LUC7L2: variants seen among roughly 807,000 people sequenced by gnomAD.
The protein encoded by LUC7L2 is putative RNA-binding protein Luc7-like 2.
A neutral mutation model predicts 52.8 loss-of-function variants in LUC7L2; 25 were observed. The ratio of observed to expected loss-of-function variants is 0.47; its 90% confidence interval spans 0.34 to 0.66. The LOEUF is 0.66. Ranked by LOEUF, LUC7L2 falls within the 30% of genes least tolerant of loss-of-function variation. The pLI, the probability that LUC7L2 is intolerant of heterozygous loss-of-function variation, is 0.01. For synonymous variants in LUC7L2, 144 were observed against 160.9 expected (o/e 0.89, Z 0.80); for missense variants, 328 against 497.8 (o/e 0.66, Z 3.25).
chr7:139,345,226 A>T (rs910402187), intron 1 of LUC7L2, among the ~76,000 whole-genome samples: 1 of 152,106 alleles, frequency 6.6e-6, no homozygotes, highest in African/African-American at 2.4e-5. Context: ...TCATCTGTAA[A>T]ATTAAGGAAT....
At chr7:139,356,941 A>G (rs1799624419), upstream of LUC7L2, among the ~76,000 whole-genome samples, 1 of 152,234 alleles carries the variant, frequency 6.6e-6, no homozygotes, top group African/African-American at 2.4e-5. Flanking sequence ...CATTGATTAT[A>G]TAAAACTTGG....
At chr7:139,374,648 A>G (rs971313212) in intron 1 of LUC7L2, 9 of 1,435,010 alleles carry the variant, frequency 6.3e-6, no homozygotes, top group African/African-American at 5.7e-5. Context: ...TAGAAAACCT[A>G]TTGTTGAACT....
At chr7:139,372,241 T>C (rs566857731) in intron 1 of LUC7L2, among the ~76,000 whole-genome samples, 30 of 119,830 alleles carry the variant, frequency 2.5e-4, no homozygotes, top group African/African-American at 1.6e-3. Flanking sequence ...TCCATTATTT[T>C]AATTTTTTTT....
Position 139,384,145 on chromosome 7 carries a change from A to G in LUC7L2, c.156+7989A>G, listed in dbSNP as rs369990814. ...AAATTGTTTAACTCTTTTCCCATAAATGGTTTATTTTGGGCTGCCTTGGTA... is the reference window on the plus strand; with the variant it reads ...AAATTGTTTAACTCTTTTCCCATAAGTGGTTTATTTTGGGCTGCCTTGGTA... On this transcript the variant is annotated intron_variant, in intron 2 of 9. Transcript: ENST00000354926. 1.8e-4 allele frequency among the ~76,000 whole-genome samples: 27 copies of G among 152,164 alleles called. No individual in the cohort carries two copies. In the East Asian group the frequency reaches 2.9e-3, roughly 16 times the overall value.
At chr7:139,415,155 G>A (rs1278406606) in intron 8 of LUC7L2, among the ~76,000 whole-genome samples, 5 of 140,766 alleles carry the variant, frequency 3.6e-5, no homozygotes, top group South Asian at 2.4e-4. Flanking sequence ...CAAGTGATCC[G>A]CCTGCCTCAG....
rs1799511433 is a variant in LUC7L2 at position 139,353,420 on chromosome 7, AT to A, written c.-26+12905del. ...AATGTATAGTTTAATCCTACTTTAT[AT>A]TATTTTGTTACCCTCTGAGACCTTG... is the stretch of plus-strand genomic sequence containing the variant. On this transcript the variant is annotated intron_variant, in intron 1 of 10. Coordinates refer to the LUC7L2 transcript ENST00000541170. Among the ~76,000 whole-genome samples the A allele has an allele frequency of 2.0e-5, 3 of 152,232 alleles. No homozygotes were observed. The South Asian group carries it at 6.2e-4, about 32-fold the overall frequency.
Position 139,360,169 on chromosome 7 carries a change from G to A in LUC7L2, c.-93G>A. ...GGCGGCGGCGGCCACCGAGACAGCA[G>A]CGCACCTTCCCCCATCCCTTCCCCT... On this transcript the variant is annotated 5_prime_UTR_variant, in exon 1 of 10. Coordinates refer to ENST00000354926, the MANE Select transcript of LUC7L2 (RefSeq NM_016019.5). 1 of 968,926 alleles carries A rather than the reference G, an allele frequency of 1.0e-6. No individual in the cohort carries two copies. The allele number at this position is 968,926 out of a possible 1,614,324, so 60.0% of individuals were successfully genotyped here. A position where few individuals can be genotyped will look rare whatever the true frequency, so the allele number is the denominator to read the frequency against.
chr7:139,414,999 A>G (rs1054043116), intron 8 of LUC7L2, among the ~76,000 whole-genome samples: 2 of 145,848 alleles, frequency 1.4e-5, no homozygotes, highest in Admixed American at 7.0e-5. Flanking sequence ...TGATTCTTCT[A>G]CCTTAGGCTC....
At chr7:139,354,911 C>CA (rs1442920221), upstream of LUC7L2, among the ~76,000 whole-genome samples, 2 of 150,514 alleles carry the variant, frequency 1.3e-5, no homozygotes, top group Non-Finnish European at 2.9e-5. Flanking sequence ...GGTTGGAGTG[C>CA]AGTAGTAAGG....
rs1585119551 is a variant in LUC7L2, at chr7:139,402,028, G to A, written c.256-109G>A. On this transcript the variant is annotated intron_variant, in intron 3 of 9. Transcript: ENST00000354926. ...TGCTCAATTACTGACGTGAGCCACC[G>A]TGCCCCACCATGGTAGCATTTTAAA... 5.0e-5 allele frequency: 60 copies of A among 1,189,490 alleles called. 1 individual carries two copies. The East Asian group carries it at 1.6e-3, about 32-fold the overall frequency. The allele number at this position is 1,189,490 out of a possible 1,614,324, so 73.7% of individuals were successfully genotyped here.
chr7:139,417,701 G>T lies in LUC7L2; in HGVS notation c.973G>T (p.Asp325Tyr). The change falls in exon 9 of 10, where the codon GAT becomes TAT. Residue 325 changes from aspartate (D) to tyrosine (Y), a missense_variant. Asp to Tyr is a radical substitution (Grantham distance 160, BLOSUM62 -3). Around this residue, in one of 2 missense-constraint regions of LUC7L2, gnomAD observed 195 missense variants for 223.3 expected, o/e 0.87. Coordinates refer to ENST00000354926, the MANE Select transcript of LUC7L2 (RefSeq NM_016019.5). ...CCAGAGAAGTCGGCACAGTTCTAGA[G>T]ATAGGAGCAGAGAACGATCCAAGAG... ...SHQRSRHSSR[D>Y]RSRERSKRRS... is the part of the protein sequence containing the mutation. The T allele has an allele frequency of 6.2e-7, 1 of 1,614,210 alleles. No homozygotes were observed. The highest frequency in any genetic ancestry group is 8.5e-7 in the Non-Finnish European group (1 of 1,180,038).
chr7:139,375,423 CTTTG>C, intron 1 of LUC7L2: 1 of 985,354 alleles, frequency 1.0e-6, no homozygotes, highest in Non-Finnish European at 1.2e-6. Flanking sequence ...GGCAATGTGC[CTTTG>C]TTTGACTGGT....
chr7:139,374,285 T>A (rs1277276354), intron 1 of LUC7L2: 6 of 770,490 alleles, frequency 7.8e-6, no homozygotes, highest in Non-Finnish European at 1.3e-5. Flanking sequence ...TCACTTTTGT[T>A]TTTATATAAA....
chr7:139,376,717 G>A (rs961066279), intron 2 of LUC7L2, among the ~76,000 whole-genome samples: 1 of 152,182 alleles, frequency 6.6e-6, no homozygotes, highest in Admixed American at 6.5e-5. Flanking sequence ...TAAACTGCAT[G>A]ATGATGGACC....
intron 2 of LUC7L2, among the ~76,000 whole-genome samples, chr7:139,390,819 C>G (rs6945571): frequency 0.39 from 58,503 of 151,946 alleles, 15,740 homozygotes; most frequent in African/African-American, 0.77. Context: ...GCCTCCCAAA[C>G]TGCTGGGATT....
intron 1 of LUC7L2, among the ~76,000 whole-genome samples, chr7:139,373,261 A>G (rs1292536764): frequency 6.6e-6 from 1 of 152,230 alleles, no homozygotes; most frequent in Non-Finnish European, 1.5e-5. Context: ...CTGCATGGTT[A>G]TGCAGCCAGA....
chr7:139,414,561 T>C (rs532146765), intron 8 of LUC7L2, among the ~76,000 whole-genome samples: 136 of 152,376 alleles, frequency 8.9e-4, no homozygotes, highest in Non-Finnish European at 1.5e-3. Flanking sequence ...AGCTTCTCAT[T>C]ACATTCAGTA....
At chr7:139,412,462 C>G in intron 7 of LUC7L2, 89 bp from the exon 8 acceptor site, 1 of 1,463,384 alleles carries the variant, frequency 6.8e-7, no homozygotes, top group Non-Finnish European at 9.2e-7. Flanking sequence ...TTAATGTAAA[C>G]ATTAGAAATC....
Position 139,373,314 on chromosome 7 carries a change from T to C in LUC7L2, c.62-2748T>C, listed in dbSNP as rs1800547586. Among the ~76,000 whole-genome samples the C allele has an allele frequency of 2.0e-5, 3 of 152,216 alleles. No homozygotes were observed. The South Asian group carries it at 6.2e-4, about 32-fold the overall frequency. On this transcript the variant is annotated intron_variant, in intron 1 of 9. Coordinates refer to ENST00000354926, the MANE Select transcript of LUC7L2 (RefSeq NM_016019.5). ...CCTTAAAGTCCCCAAGGCAGAACTT[T>C]AAAAATATCAATAAACAGTCAGTTG...
Sources: allele counts gnomAD v4.1 joint callset (sites outside exome capture counted in the v4.1 genomes callset), GRCh38; gene constraint gnomAD v4.1.1; regional missense constraint gnomAD v4.1.1; transcripts MANE v1.5; gene names NCBI Gene and HGNC (gene_info 2026-07-23, HGNC 2026-07-21).